Variants in TRAPPC9 observed in about 807,000 individuals in gnomAD.
TRAPPC9 encodes trafficking protein particle complex subunit 9, also known as IKK2 binding protein.
In TRAPPC9, 83 loss-of-function variants were observed where a neutral mutation model predicts 124.0. That is an observed-to-expected ratio of 0.67 (90% CI 0.56 to 0.80). TRAPPC9 has a LOEUF of 0.80. Ranked by LOEUF, TRAPPC9 falls within the 30% of genes least tolerant of loss-of-function variation. The probability of loss-of-function intolerance (pLI) is 0.00; values close to 1 mark genes in which losing one functional copy is unlikely to be tolerated. For synonymous variants in TRAPPC9, 638 were observed against 617.5 expected (o/e 1.03, Z -0.49); for missense variants, 1,302 against 1,508.3 (o/e 0.86, Z 2.27).
intron 20 of TRAPPC9, among the ~76,000 whole-genome samples, chr8:139,906,541 A>AT (rs1405713015): frequency 1.3e-5 from 2 of 152,090 alleles, no homozygotes; most frequent in Non-Finnish European, 2.9e-5. Context: ...TAAGTAGGGA[A>AT]GGGCATAGGG....
rs190966915 is a variant in TRAPPC9, at chr8:139,986,274, T to G, written c.2810+2452A>C. 2.5e-3 allele frequency among the ~76,000 whole-genome samples: 376 copies of G among 151,848 alleles called. 1 individual carries two copies. Among genetic ancestry groups the G allele is most frequent in the African/African-American group, 8.6e-3 (358 of 41,416 alleles). Reference sequence around the variant, plus strand: ...ACAAAAAACCAAAAAACAAAAAAACTGTCAAAATAATGTTTGGGTGGGGAT... The same window carrying G: ...ACAAAAAACCAAAAAACAAAAAAACGGTCAAAATAATGTTTGGGTGGGGAT... On this transcript the variant is annotated intron_variant, in intron 19 of 22. Transcript: ENST00000438773.
intron 19 of TRAPPC9, among the ~76,000 whole-genome samples, chr8:139,922,126 A>G (rs1832546157): frequency 1.3e-5 from 2 of 152,182 alleles, no homozygotes; most frequent in African/African-American, 4.8e-5. Flanking sequence ...CAACAATCAC[A>G]TATGTTAACT....
chr8:140,040,829 G>C (rs1841228377), intron 17 of TRAPPC9: 1 of 152,238 alleles, frequency 6.6e-6, no homozygotes, highest in Admixed American at 6.5e-5. Flanking sequence ...TGAGCCACGG[G>C]GAGGCCCAAG....
Position 140,311,278 on chromosome 8 carries a change from G to A in TRAPPC9, c.1592C>T (p.Pro531Leu), listed in dbSNP as rs768262663. 9.3e-6 allele frequency: 15 copies of A among 1,612,998 alleles called. No homozygotes were observed. Among genetic ancestry groups the A allele is most frequent in the South Asian group, 8.8e-5 (8 of 91,082 alleles). Residue 531 changes from proline to leucine, a missense_variant, in exon 10 of 23, where the codon CCG becomes CTG. Coordinates refer to ENST00000438773, the MANE Select transcript of TRAPPC9 (RefSeq NM_001160372.4). ...IALPGGLTLPPVPFTKLPIVR... is the reference protein window; with the variant it reads ...IALPGGLTLPLVPFTKLPIVR... Reference sequence around the variant, plus strand: ...GATGGGAAGCTTGGTGAAGGGCACCGGTGGCAGGGTGAGGCCGCCAGGGAG... The same window carrying A: ...GATGGGAAGCTTGGTGAAGGGCACCAGTGGCAGGGTGAGGCCGCCAGGGAG...
chr8:139,985,475 T>C lies in TRAPPC9; in HGVS notation c.2810+3251A>G, dbSNP rs187900532. Among the ~76,000 whole-genome samples the C allele has an allele frequency of 5.4e-4, 82 of 152,248 alleles. 1 individual carries two copies. Among genetic ancestry groups the C allele is most frequent in the African/African-American group, 1.6e-3 (65 of 41,552 alleles). On this transcript the variant is annotated intron_variant, in intron 19 of 22. Coordinates refer to ENST00000438773, the MANE Select transcript of TRAPPC9 (RefSeq NM_001160372.4). ...CATCGATGCTCCCTGAAGGCACCTG[T>C]CCTCATCCTGAGGAACCTGAGGTGC...
intron 19 of TRAPPC9, among the ~76,000 whole-genome samples, chr8:139,935,841 A>G (rs143986428): frequency 2.6e-4 from 39 of 152,320 alleles, no homozygotes; most frequent in African/African-American, 8.7e-4. Flanking sequence ...CATTTCATCC[A>G]TACAAGAACC....
At chr8:140,453,720 C>T (rs1421901877) in intron 1 of TRAPPC9, among the ~76,000 whole-genome samples, 4 of 152,188 alleles carry the variant, frequency 2.6e-5, no homozygotes, top group Non-Finnish European at 5.9e-5. Context: ...AGGACGACGC[C>T]CCACTCTCTC....
chr8:140,225,369 C>G (rs528147113), intron 16 of TRAPPC9, among the ~76,000 whole-genome samples: 4 of 152,326 alleles, frequency 2.6e-5, no homozygotes, highest in African/African-American at 9.6e-5. Context: ...ATAAAAATTC[C>G]ATCATCCCAA....
intron 20 of TRAPPC9, among the ~76,000 whole-genome samples, chr8:139,888,304 T>C (rs1830136988): frequency 6.6e-6 from 1 of 152,192 alleles, no homozygotes; most frequent in South Asian, 2.1e-4. Flanking sequence ...CGGCCCAACT[T>C]TGAATCCTGG....
intron 16 of TRAPPC9, among the ~76,000 whole-genome samples, chr8:140,243,853 C>CG (rs1307554287): frequency 1.6e-4 from 25 of 152,248 alleles, no homozygotes; most frequent in Non-Finnish European, 7.3e-5. Flanking sequence ...TTCCCTAAGG[C>CG]GGGGGCCCGC....
chr8:140,235,875 G>C (rs2063717898), intron 16 of TRAPPC9, among the ~76,000 whole-genome samples: 1 of 152,114 alleles, frequency 6.6e-6, no homozygotes, highest in African/African-American at 2.4e-5. Context: ...ATAAACTGTA[G>C]TATTTTCACG....
intron 4 of TRAPPC9, among the ~76,000 whole-genome samples, chr8:140,434,342 T>C (rs1193364294): frequency 2.6e-5 from 4 of 152,236 alleles, no homozygotes; most frequent in Non-Finnish European, 5.9e-5. Context: ...TTCATGTTCA[T>C]TCAGCATTCG....
chr8:140,283,440 G>A (rs546078571), intron 14 of TRAPPC9, among the ~76,000 whole-genome samples: 7 of 150,256 alleles, frequency 4.7e-5, no homozygotes, highest in East Asian at 2.0e-4. Flanking sequence ...GACTACAGGC[G>A]CCCGCCACCA....
chr8:140,373,120 C>G (rs765242732), intron 7 of TRAPPC9, among the ~76,000 whole-genome samples: 2 of 152,188 alleles, frequency 1.3e-5, no homozygotes, highest in Non-Finnish European at 2.9e-5. Flanking sequence ...CTGGTGCCAG[C>G]CACTCTTGTG....
At chr8:139,771,615 T>A (rs1014326038) in intron 21 of TRAPPC9, among the ~76,000 whole-genome samples, 3 of 152,210 alleles carry the variant, frequency 2.0e-5, no homozygotes, top group Non-Finnish European at 4.4e-5. Flanking sequence ...CCACTGCTGA[T>A]CATCTGAAGT....
intron 21 of TRAPPC9, among the ~76,000 whole-genome samples, chr8:139,840,817 G>C (rs1826678014): frequency 6.6e-6 from 1 of 152,160 alleles, no homozygotes; most frequent in Non-Finnish European, 1.5e-5. Context: ...GGCTGCCTCT[G>C]GTAGGCTTGT....
At chr8:139,868,416 C>G (rs528954385) in intron 21 of TRAPPC9, among the ~76,000 whole-genome samples, 50 of 152,292 alleles carry the variant, frequency 3.3e-4, no homozygotes, top group Non-Finnish European at 5.6e-4. Context: ...ATACTTGCAG[C>G]TTTTCTGCAA....
chr8:139,900,961 C>A (rs1830977188), intron 20 of TRAPPC9, among the ~76,000 whole-genome samples: 1 of 145,872 alleles, frequency 6.9e-6, no homozygotes, highest in African/African-American at 2.6e-5. Flanking sequence ...GGTGTGTGAG[C>A]CTCATCTCTC....
intron 5 of TRAPPC9, among the ~76,000 whole-genome samples, chr8:140,416,622 T>C (rs1221304868): frequency 3.3e-5 from 5 of 152,166 alleles, no homozygotes; most frequent in African/African-American, 1.2e-4. Flanking sequence ...AGAATCAATA[T>C]CATGAAAATG....
Sources: gnomAD v4.1 joint callset for allele counts (sites outside exome capture counted in the v4.1 genomes callset) on GRCh38, gnomAD v4.1.1 for gene constraint, MANE v1.5 for transcripts, NCBI Gene and HGNC (gene_info 2026-07-23, HGNC 2026-07-21) for gene names.